The following GTF2IRD1 variants were observed in gnomAD, a reference collection of about 807,000 sequenced individuals.
GTF2IRD1 encodes general transcription factor II-I repeat domain-containing protein 1.
Under a neutral mutation model 113.2 loss-of-function variants are expected in GTF2IRD1, and 26 were observed. That is an observed-to-expected ratio of 0.23 (90% CI 0.17 to 0.32). The LOEUF (loss-of-function observed/expected upper bound fraction) is 0.32, where lower values mean the gene tolerates loss of function less well. GTF2IRD1 is among the 10% of genes least tolerant of loss of function. The pLI, the probability that GTF2IRD1 is intolerant of heterozygous loss-of-function variation, is 1.00. For missense variants in GTF2IRD1, 864 were observed against 1,280.8 expected (o/e 0.67, Z 4.97); for synonymous variants, 484 against 529.1 (o/e 0.91, Z 1.17).
Position 74,524,045 on chromosome 7 carries a change from C to T in GTF2IRD1, c.1007-26C>T, listed in dbSNP as rs367847842. On this transcript the variant is annotated intron_variant, in intron 7 of 26. Coordinates refer to ENST00000424337, the MANE Select transcript of GTF2IRD1 (RefSeq NM_005685.4). ...TGTGACCGTCCCGTGGGGCCCTGCTCACTTGTGCCTCCTGTGTTTTGATAG... is the reference window on the plus strand; with the variant it reads ...TGTGACCGTCCCGTGGGGCCCTGCTTACTTGTGCCTCCTGTGTTTTGATAG... 318 of 1,547,378 alleles carry T rather than the reference C, an allele frequency of 2.1e-4. 1 individual carries two copies. Among genetic ancestry groups the T allele is most frequent in the Non-Finnish European group, 2.9e-5 (33 of 1,123,242 alleles).
At chr7:74,462,717 C>T (rs1291004005) in intron 1 of GTF2IRD1, among the ~76,000 whole-genome samples, 2 of 152,218 alleles carry the variant, frequency 1.3e-5, no homozygotes, top group Non-Finnish European at 2.9e-5. Context: ...CATCACTACC[C>T]ACCCCCCACA....
chr7:74,490,399 G>A (rs1795270598), intron 1 of GTF2IRD1, among the ~76,000 whole-genome samples: 1 of 152,050 alleles, frequency 6.6e-6, no homozygotes, highest in African/African-American at 2.4e-5. Flanking sequence ...GTGACTGGCA[G>A]TGTTCTTCCC....
At chr7:74,466,422 G>C (rs1250210176) in intron 1 of GTF2IRD1, among the ~76,000 whole-genome samples, 1 of 152,126 alleles carries the variant, frequency 6.6e-6, no homozygotes, top group Admixed American at 6.6e-5. Flanking sequence ...AGGCAGCTCA[G>C]GGGTTCCCGT....
intron 1 of GTF2IRD1, among the ~76,000 whole-genome samples, chr7:74,457,720 C>T (rs546694642): frequency 3.6e-4 from 55 of 152,192 alleles, no homozygotes; most frequent in African/African-American, 1.3e-3. Flanking sequence ...AGGGTCACAG[C>T]CAGGTTCTTT....
chr7:74,462,676 C>G (rs1487422871), intron 1 of GTF2IRD1, among the ~76,000 whole-genome samples: 1 of 152,220 alleles, frequency 6.6e-6, no homozygotes, highest in African/African-American at 2.4e-5. Context: ...AAGGCACCAT[C>G]TGGCTGGCGG....
intron 8 of GTF2IRD1, 63 bp downstream of exon 8, chr7:74,524,217 G>T (rs907867429): frequency 2.9e-6 from 3 of 1,038,922 alleles, no homozygotes; most frequent in Non-Finnish European, 4.3e-6. Context: ...TCATTACGTG[G>T]CAATCACTCG....
At chr7:74,501,775 C>G (rs1006963273) in intron 1 of GTF2IRD1, among the ~76,000 whole-genome samples, 1 of 152,178 alleles carries the variant, frequency 6.6e-6, no homozygotes, top group Non-Finnish European at 1.5e-5. Flanking sequence ...TCTCAGCCAC[C>G]TGAGTAGCTG....
rs114636579 is a variant in GTF2IRD1 at position 74,463,468 on chromosome 7, C to G, written c.-7+9292C>G. ...CAGGCTGGTCTTGAACTCCTGTGTT[C>G]AAGTGATCCCACAACCTCAGCTTCC... On this transcript the variant is annotated intron_variant, in intron 1 of 26. Transcript: ENST00000424337. Among the ~76,000 whole-genome samples, 224 of 151,638 alleles carry G rather than the reference C, an allele frequency of 1.5e-3. 1 individual carries two copies. Among genetic ancestry groups the G allele is most frequent in the African/African-American group, 5.3e-3 (218 of 41,314 alleles).
Position 74,519,731 on chromosome 7 carries a change from G to C in GTF2IRD1, c.916+12G>C. ...CTCCGACTGTTGTGGTAACATTGCT[G>C]CTGGGATCTCCAAGTCTAGGGGGTG... On this transcript the variant is annotated intron_variant, in intron 6 of 26. Transcript: ENST00000424337. The C allele has an allele frequency of 6.5e-7, 1 of 1,539,540 alleles. No homozygotes were observed. The highest frequency in any genetic ancestry group is 8.8e-7 in the Non-Finnish European group (1 of 1,137,196).
intron 1 of GTF2IRD1, among the ~76,000 whole-genome samples, chr7:74,497,333 C>A (rs1251253127): frequency 6.6e-6 from 1 of 152,154 alleles, no homozygotes; most frequent in African/African-American, 2.4e-5. Context: ...CACAGTCACA[C>A]CTCACTGCAG....
chr7:74,586,657 G>A (rs1266406843), intron 22 of GTF2IRD1, among the ~76,000 whole-genome samples: 1 of 152,192 alleles, frequency 6.6e-6, no homozygotes, highest in Non-Finnish European at 1.5e-5. Context: ...CCCAGCCTCT[G>A]TCCTGTGGGA....
intron 1 of GTF2IRD1, among the ~76,000 whole-genome samples, chr7:74,470,384 T>A (rs1431081658): frequency 6.6e-6 from 1 of 152,182 alleles, no homozygotes; most frequent in African/African-American, 2.4e-5. Context: ...TTCGTCACTC[T>A]GAAAAGAAGC....
chr7:74,531,734 A>T (rs11973711), intron 9 of GTF2IRD1, among the ~76,000 whole-genome samples: 27,605 of 151,746 alleles, frequency 0.18, 2,661 homozygotes, highest in Middle Eastern at 0.21. Flanking sequence ...AAAAAAAAAA[A>T]GTGGGGGGAG....
intron 14 of GTF2IRD1, among the ~76,000 whole-genome samples, chr7:74,541,333 T>G (rs587738375): frequency 1.3e-5 from 2 of 151,102 alleles, no homozygotes; most frequent in Non-Finnish European, 1.5e-5. Context: ...TCTAAAAGAT[T>G]TTTTTTTAAT....
At chr7:74,583,597 G>C (rs145557177) in intron 22 of GTF2IRD1, among the ~76,000 whole-genome samples, 1 of 151,638 alleles carries the variant, frequency 6.6e-6, no homozygotes, top group African/African-American at 2.4e-5. Flanking sequence ...CAGCCAGCCC[G>C]GCCCCACTTT....
At chr7:74,485,571 A>T (rs1794975858) in intron 1 of GTF2IRD1, among the ~76,000 whole-genome samples, 1 of 151,270 alleles carries the variant, frequency 6.6e-6, no homozygotes, top group Non-Finnish European at 1.5e-5. Flanking sequence ...GAGCCGAGAT[A>T]GTGCCACTGC....
At chr7:74,461,073 CA>C (rs1793333859) in intron 1 of GTF2IRD1, among the ~76,000 whole-genome samples, 1 of 152,210 alleles carries the variant, frequency 6.6e-6, no homozygotes, top group South Asian at 2.1e-4. Context: ...TGGCTCTCCC[CA>C]ACCTGCCTGG....
rs71094796 is a variant in GTF2IRD1, at chr7:74,574,150, ATTTTTTTTT to A, written c.2320+14510_2320+14518del. On this transcript the variant is annotated intron_variant, in intron 22 of 26. Coordinates refer to ENST00000424337, the MANE Select transcript of GTF2IRD1 (RefSeq NM_005685.4). Reference sequence around the variant, plus strand: ...AGGCATGCACCACCACACCAAGCTAATTTTTTTTTTTTTTTTTTTTTTTGTATTTTTAGT... The same window carrying A: ...AGGCATGCACCACCACACCAAGCTAATTTTTTTTTTTTTTGTATTTTTAGT... Among the ~76,000 whole-genome samples the A allele has an allele frequency of 6.7e-5, 7 of 104,818 alleles. 1 individual carries two copies. Among genetic ancestry groups the A allele is most frequent in the African/African-American group, 2.2e-4 (6 of 27,370 alleles). 68.8% of individuals were successfully genotyped at this position (104,818 alleles called of 152,430 possible).
Position 74,470,864 on chromosome 7 carries a change from C to T in GTF2IRD1, c.-7+16688C>T, listed in dbSNP as rs140197282. ...TCTTGCCCAGGCTGGAGTGCAATGG[C>T]GTGATCTCGGCTCACTGCAACCTCC... is the stretch of plus-strand genomic sequence containing the variant. On this transcript the variant is annotated intron_variant, in intron 1 of 26. Coordinates refer to ENST00000424337, the MANE Select transcript of GTF2IRD1 (RefSeq NM_005685.4). Among the ~76,000 whole-genome samples the T allele has an allele frequency of 7.7e-3, 1,164 of 152,062 alleles. 13 individuals carry two copies. Among genetic ancestry groups the T allele is most frequent in the African/African-American group, 0.026 (1,076 of 41,468 alleles).
Sources: allele counts gnomAD v4.1 joint callset (sites outside exome capture counted in the v4.1 genomes callset), GRCh38; gene constraint gnomAD v4.1.1; transcripts MANE v1.5; gene names NCBI Gene and HGNC (gene_info 2026-07-23, HGNC 2026-07-21).